ALS2: variants seen among roughly 807,000 people sequenced by gnomAD.
ALS2 encodes alsin.
Under a neutral mutation model 203.4 loss-of-function variants are expected in ALS2, and 117 were observed. That is an observed-to-expected ratio of 0.58 (90% CI 0.50 to 0.67). The LOEUF is 0.67. Ranked by LOEUF, ALS2 falls within the 30% of genes least tolerant of loss-of-function variation. The probability of loss-of-function intolerance (pLI) is 0.00; values close to 1 mark genes in which losing one functional copy is unlikely to be tolerated. For synonymous variants in ALS2, 718 were observed against 725.9 expected, an observed-to-expected ratio of 0.99 and a Z score of 0.17; for missense variants, 1,715 against 1,989.4, an observed-to-expected ratio of 0.86 and a Z score of 2.62.
Position 201,707,028 on chromosome 2 carries a change from A to C in ALS2, c.4404-6T>G, listed in dbSNP as rs766597356. On this transcript the variant is annotated splice_region_variant and splice_polypyrimidine_tract_variant and intron_variant, in intron 28 of 33. Transcript: ENST00000264276. ...CAGAACTCGTTACTACATAACTACA[A>C]AATAATGGAGTGGGAGAAAAGGAGC... 1.9e-6 allele frequency: 3 copies of C among 1,611,588 alleles called. No individual in the cohort carries two copies. The highest frequency in any genetic ancestry group is 2.5e-6 in the Non-Finnish European group (3 of 1,178,478).
At chr2:201,775,762 C>T (rs978494290) in intron 1 of ALS2, among the ~76,000 whole-genome samples, 22 of 152,146 alleles carry the variant, frequency 1.4e-4, no homozygotes, top group Non-Finnish European at 1.5e-5. Flanking sequence ...CAAATCTTGA[C>T]TCAGAGTAAG....
intron 1 of ALS2, among the ~76,000 whole-genome samples, chr2:201,780,252 T>C (rs1694836646): frequency 6.6e-6 from 1 of 152,212 alleles, no homozygotes. Flanking sequence ...AGGACCTGTG[T>C]TATTTTTCTG....
chr2:201,738,693 G>A lies in ALS2; in HGVS notation c.2394C>T (p.Phe798=). The change falls in exon 12 of 34, where the codon TTC becomes TTT. Residue 798 remains phenylalanine, a synonymous_variant. Transcript: ENST00000264276. ...ACATGGCAGGCTTAGCAAGAAGCTG[G>A]AATCCTCCCATAACCAGGAAATTTG... ...SITNFLVMGG[F]QLLAKPAIDF... The A allele has an allele frequency of 6.2e-7, 1 of 1,614,124 alleles. No homozygotes were observed. The highest frequency in any genetic ancestry group is 8.5e-7 in the Non-Finnish European group (1 of 1,179,988).
chr2:201,720,516 A>G (rs1690706125), intron 23 of ALS2, among the ~76,000 whole-genome samples: 1 of 142,386 alleles, frequency 7.0e-6, no homozygotes, highest in East Asian at 2.1e-4. Flanking sequence ...CAGCTTGGGC[A>G]ACATAGCGAA....
rs1559051501 is a variant in ALS2 at position 201,727,784 on chromosome 2, G to C, written c.2842-9C>G. ...ACATGGTGCGTGGAGAACTGAAACA[G>C]AGAACACGGAGGCACTTTTATGAAA... On this transcript the variant is annotated splice_polypyrimidine_tract_variant and intron_variant, in intron 15 of 33. Transcript: ENST00000264276. 1 of 1,551,596 alleles carries C rather than the reference G, an allele frequency of 6.4e-7. No homozygotes were observed. The highest frequency in any genetic ancestry group is 2.0e-5 in the Admixed American group (1 of 51,004).
Position 201,746,871 on chromosome 2 carries a change from CA to C in ALS2, c.1816-124del, listed in dbSNP as rs761179906. 2,137 of 1,048,778 alleles carry C rather than the reference CA, an allele frequency of 2.0e-3. 2 individuals are homozygous for C. The highest frequency in any genetic ancestry group is 2.7e-3 in the Non-Finnish European group (1,848 of 688,320). The allele number at this position is 1,048,778 out of a possible 1,614,324, so 65.0% of individuals were successfully genotyped here. On this transcript the variant is annotated intron_variant, in intron 8 of 33. Coordinates refer to ENST00000264276, the MANE Select transcript of ALS2 (RefSeq NM_020919.4). ...TGGTGCAGTCAGTCATATCTGAGAGCAAACTTACCCAGCAATTTGCCCAATC... is the reference window on the plus strand; with the variant it reads ...TGGTGCAGTCAGTCATATCTGAGAGCAACTTACCCAGCAATTTGCCCAATC...
At position 201,726,836 on chromosome 2, in the gene ALS2, C is replaced by T. The variant is rs773365990; in HGVS notation, c.3010G>A (p.Val1004Ile). ...GACATCCCTCTCAAAGCCTGATCTA[C>T]GGCTTGGCTTATAGCTCGTAGCCAC... ...TKWLRAISQA[V>I]DQALRGMSDL... Residue 1004 changes from valine to isoleucine, a missense_variant, in exon 18 of 34, where the codon GTA (valine) becomes ATA (isoleucine). By Grantham distance (29) the Val-to-Ile change is conservative (BLOSUM62 3). Transcript: ENST00000264276. 3 of 1,614,096 alleles carry T rather than the reference C, an allele frequency of 1.9e-6. No individual in the cohort carries two copies. The highest frequency in any genetic ancestry group is 1.1e-5 in the South Asian group (1 of 91,074).
chr2:201,773,643 C>A (rs1373538926), intron 1 of ALS2, among the ~76,000 whole-genome samples: 1 of 152,064 alleles, frequency 6.6e-6, no homozygotes, highest in Non-Finnish European at 1.5e-5. Context: ...ACATGGAGTT[C>A]AAGAGAAAAG....
intron 11 of ALS2, 124 bp from the exon 12 acceptor site, chr2:201,738,859 A>T (rs1692056344): frequency 1.2e-6 from 1 of 864,904 alleles, no homozygotes; most frequent in Non-Finnish European, 1.9e-6. Context: ...AAGTTTTGTG[A>T]TGTCAACATT....
At position 201,767,381 on chromosome 2, in the gene ALS2, G is replaced by A; in HGVS notation, c.23C>T (p.Ser8Leu). Reference protein sequence around the residue: MDSKKRSSTEAEGSKERG... With the variant: MDSKKRSLTEAEGSKERG... Reference sequence around the variant, plus strand: ...TTCCTTGGATCCTTCTGCCTCTGTTGAGCTAAAACATCAAGAAACATAGCT... The same window carrying A: ...TTCCTTGGATCCTTCTGCCTCTGTTAAGCTAAAACATCAAGAAACATAGCT... Residue 8 changes from serine (S) to leucine (L), a missense_variant and splice_region_variant, in exon 3 of 34, where the codon TCA becomes TTA. Ser to Leu is a moderately radical substitution (Grantham distance 145). Transcript: ENST00000264276. The A allele has an allele frequency of 6.2e-7, 1 of 1,613,926 alleles. No individual in the cohort carries two copies. The highest frequency in any genetic ancestry group is 8.5e-7 in the Non-Finnish European group (1 of 1,179,954).
chr2:201,770,514 A>T (rs1442064332), intron 1 of ALS2, among the ~76,000 whole-genome samples: 4 of 151,940 alleles, frequency 2.6e-5, no homozygotes, highest in Non-Finnish European at 4.4e-5. Context: ...TTCTTTTCTT[A>T]CTTACTATAG....
intron 1 of ALS2, among the ~76,000 whole-genome samples, chr2:201,778,860 C>T (rs376765246): frequency 1.1e-4 from 17 of 152,260 alleles, no homozygotes; most frequent in Non-Finnish European, 1.6e-4. Context: ...GTACCCAAAG[C>T]GGGCCTTCCT....
intron 1 of ALS2, among the ~76,000 whole-genome samples, chr2:201,778,909 T>C (rs908883832): frequency 6.6e-6 from 1 of 152,194 alleles, no homozygotes; most frequent in Non-Finnish European, 1.5e-5. Context: ...CCTTTCTTCC[T>C]AGTTTTTCAA....
At position 201,771,413 on chromosome 2, in the gene ALS2, C is replaced by T. The variant is rs916564856; in HGVS notation, c.-60-2468G>A. On this transcript the variant is annotated intron_variant, in intron 1 of 33. Transcript: ENST00000264276. ...ATGTTTGACATCTTCCAACAAGATA[C>T]GTCTGCCTGAAACTCCAATAGGGCA... Among the ~76,000 whole-genome samples, 4 of 152,082 alleles carry T rather than the reference C, an allele frequency of 2.6e-5. No homozygotes were observed. The East Asian group carries it at 7.7e-4, about 29-fold the overall frequency.
At position 201,733,391 on chromosome 2, in the gene ALS2, A is replaced by G. The variant is rs754257135; in HGVS notation, c.2465T>C (p.Val822Ala). ...CATCAACTGAGTGTTTTCGTCATTC[A>G]CTTCTGACAAATCTTGCAACAGCTC... Reference protein sequence around the residue: ...NQELLQDLSEVNDENTQLMEI... With the variant: ...NQELLQDLSEANDENTQLMEI... The change falls in exon 13 of 34, where the codon GTG becomes GCG. Residue 822 changes from valine (V) to alanine (A), a missense_variant. Val to Ala is a moderately conservative substitution (Grantham distance 64). Around this residue, in one of 3 missense-constraint regions of ALS2, gnomAD observed 1,227 missense variants for 1,413.5 expected, o/e 0.87. Transcript: ENST00000264276. 6.2e-7 allele frequency: 1 copy of G among 1,613,742 alleles called. No individual in the cohort carries two copies. Among genetic ancestry groups the G allele is most frequent in the Admixed American group, 1.7e-5 (1 of 59,998 alleles).
intron 10 of ALS2, among the ~76,000 whole-genome samples, chr2:201,743,539 C>T (rs1273637813): frequency 3.9e-5 from 6 of 152,160 alleles, no homozygotes; most frequent in African/African-American, 7.2e-5. Context: ...GGCTGGACTG[C>T]AGTGGTACAA....
At chr2:201,768,368 T>C (rs1694209957) in intron 2 of ALS2, among the ~76,000 whole-genome samples, 1 of 152,214 alleles carries the variant, frequency 6.6e-6, no homozygotes, top group East Asian at 1.9e-4. Flanking sequence ...TGGTAATACA[T>C]TTTTTCATTT....
rs138413079 is a variant in ALS2 at position 201,727,303 on chromosome 2, CCAGGA to C, written c.2913-30_2913-26del. The C allele has an allele frequency of 3.7e-3, 5,872 of 1,583,664 alleles. 175 individuals are homozygous for C. The African/African-American group carries it at 0.065, about 18-fold the overall frequency. Reference sequence around the variant, plus strand: ...CCTAAAACGTTCACAAGGATAAATACCAGGACATTTAACAACCTGTCATTACAGTA... The same window carrying C: ...CCTAAAACGTTCACAAGGATAAATACCATTTAACAACCTGTCATTACAGTA... On this transcript the variant is annotated intron_variant, in intron 16 of 33. Coordinates refer to ENST00000264276, the MANE Select transcript of ALS2 (RefSeq NM_020919.4).
intron 11 of ALS2, 64 bp downstream of exon 11, chr2:201,741,610 G>A (rs1450187729): frequency 6.6e-6 from 10 of 1,508,578 alleles, no homozygotes; most frequent in Non-Finnish European, 9.2e-6. Flanking sequence ...TCTGATTAAG[G>A]AGCTGTTCTC....
Sources: allele counts gnomAD v4.1 joint callset (sites outside exome capture counted in the v4.1 genomes callset), GRCh38; gene constraint gnomAD v4.1.1; regional missense constraint gnomAD v4.1.1; transcripts MANE v1.5; gene names NCBI Gene and HGNC (gene_info 2026-07-23, HGNC 2026-07-21).